DNLZ: variants seen among roughly 807,000 people sequenced by gnomAD.
DNLZ encodes DNL-type zinc finger.
Under a neutral mutation model 7.8 loss-of-function variants are expected in DNLZ, and 15 were observed. The ratio of observed to expected loss-of-function variants is 1.91; its 90% CI spans 1.28 to 2.95. DNLZ has a LOEUF of 2.95. Among genes scored for constraint, DNLZ ranks in the 30% most tolerant of loss-of-function variants. The pLI is 0.00. For synonymous variants in DNLZ, 123 were observed against 77.8 expected, an observed-to-expected ratio of 1.58 and a Z score of -3.05; for missense variants, 255 against 167.3, an observed-to-expected ratio of 1.52 and a Z score of -2.89.
rs1412730462 is a variant in DNLZ at position 136,361,802 on chromosome 9, G to A, written c.*210C>T. ...AGAAGGAACTGTGGTGAGGCGAGAG[G>A]TCCTGCGGCTCCTATGTCCCACCCA... is the stretch of plus-strand genomic sequence containing the variant. On this transcript the variant is annotated 3_prime_UTR_variant, in exon 3 of 3. Transcript: ENST00000371738. 4.7e-5 allele frequency: 19 copies of A among 402,826 alleles called. No homozygotes were observed. Among genetic ancestry groups the A allele is most frequent in the Non-Finnish European group, 8.7e-6 (2 of 231,118 alleles). 25.0% of individuals were successfully genotyped at this position (402,826 alleles called of 1,614,324 possible).
In DNLZ at chr9:136,362,979, C is replaced by CA; in HGVS notation, c.368+9dup. ...GGCCTTCTGGCCCAGCCCTGGGGTA[C>CA]AGGCCTCACCTCTTCCCATTCAGGT... On this transcript the variant is annotated intron_variant, in intron 2 of 2. Transcript: ENST00000371738. 1 of 1,613,294 alleles carries CA rather than the reference C, an allele frequency of 6.2e-7. No individual in the cohort carries two copies. Among genetic ancestry groups the CA allele is most frequent in the East Asian group, 2.2e-5 (1 of 44,896 alleles).
chr9:136,359,590 C>T lies in DNLZ; in HGVS notation c.*2422G>A, dbSNP rs760836642. ...TTCTGTTTTTCCTGAAAAATAAAGTCGGCCAAGTGAGTGTGGTCCGTATGG... is the reference window on the plus strand; with the variant it reads ...TTCTGTTTTTCCTGAAAAATAAAGTTGGCCAAGTGAGTGTGGTCCGTATGG... On this transcript the variant is annotated 3_prime_UTR_variant, in exon 3 of 3. Transcript: ENST00000371738. The T allele has an allele frequency of 6.6e-5, 10 of 152,382 alleles. No individual in the cohort carries two copies. The highest frequency in any genetic ancestry group is 1.0e-4 in the Non-Finnish European group (7 of 68,070). The allele number at this position is 152,382 out of a possible 1,614,324, so 9.4% of individuals were successfully genotyped here.
chr9:136,363,483 C>G lies in DNLZ; in HGVS notation c.228+4G>C. Reference sequence around the variant, plus strand: ...TCCCCGGTTCCGTCCCGCCGCGCGCCTACCTTGCAGGTGTAGACGAGCTGG... The same window carrying G: ...TCCCCGGTTCCGTCCCGCCGCGCGCGTACCTTGCAGGTGTAGACGAGCTGG... On this transcript the variant is annotated splice_donor_region_variant and intron_variant, in intron 1 of 2. Coordinates refer to ENST00000371738, the MANE Select transcript of DNLZ (RefSeq NM_001080849.3). The G allele has an allele frequency of 1.3e-6, 1 of 761,880 alleles. No individual in the cohort carries two copies. The highest frequency in any genetic ancestry group is 2.4e-6 in the Non-Finnish European group (1 of 416,760). 47.2% of individuals were successfully genotyped at this position (761,880 alleles called of 1,614,324 possible). A position where few individuals can be genotyped will look rare whatever the true frequency, so the allele number is the denominator to read the frequency against.
In DNLZ at chr9:136,359,719, T is replaced by C. The variant is rs902347265; in HGVS notation, c.*2293A>G. The stretch of plus-strand genomic sequence containing the variant: ...CTCTGAGACCTCAGAGAGATGGAGT[T>C]CCCACTGCATTTAACCACGGGGGAG... On this transcript the variant is annotated 3_prime_UTR_variant, in exon 3 of 3. Coordinates refer to ENST00000371738, the MANE Select transcript of DNLZ (RefSeq NM_001080849.3). The C allele has an allele frequency of 1.3e-5, 2 of 152,360 alleles. No individual in the cohort carries two copies. The highest frequency in any genetic ancestry group is 4.8e-5 in the African/African-American group (2 of 41,424). 9.4% of individuals were successfully genotyped at this position (152,360 alleles called of 1,614,324 possible). A position where few individuals can be genotyped will look rare whatever the true frequency, so the allele number is the denominator to read the frequency against.
chr9:136,363,200 G>A (rs558396001), intron 1 of DNLZ, 72 bp from the exon 2 acceptor site: 36 of 1,576,332 alleles, frequency 2.3e-5, no homozygotes, highest in Middle Eastern at 2.1e-4. Flanking sequence ...CGCCCCTCTA[G>A]GGGTAGCTCC....
chr9:136,361,697 AG>A lies in DNLZ; in HGVS notation c.*314del, dbSNP rs1832983200. ...TGCTCAAAGTCACGCAGCGACAGCC[AG>A]GAAGGGCTCTGACGCCACATCCAGC... On this transcript the variant is annotated 3_prime_UTR_variant, in exon 3 of 3. Coordinates refer to ENST00000371738, the MANE Select transcript of DNLZ (RefSeq NM_001080849.3). 3.5e-6 allele frequency: 1 copy of A among 288,730 alleles called. No individual in the cohort carries two copies. The highest frequency in any genetic ancestry group is 6.4e-6 in the Non-Finnish European group (1 of 156,568). The allele number at this position is 288,730 out of a possible 1,614,324, so 17.9% of individuals were successfully genotyped here. A position where few individuals can be genotyped will look rare whatever the true frequency, so the allele number is the denominator to read the frequency against.
At position 136,363,477 on chromosome 9, in the gene DNLZ, G is replaced by A. The variant is rs886479736; in HGVS notation, c.228+10C>T. On this transcript the variant is annotated intron_variant, in intron 1 of 2. Transcript: ENST00000371738. ...GGTCTGTCCCCGGTTCCGTCCCGCCGCGCGCCTACCTTGCAGGTGTAGACG... is the reference window on the plus strand; with the variant it reads ...GGTCTGTCCCCGGTTCCGTCCCGCCACGCGCCTACCTTGCAGGTGTAGACG... The A allele has an allele frequency of 2.6e-6, 2 of 761,952 alleles. No homozygotes were observed. Among genetic ancestry groups the A allele is most frequent in the South Asian group, 1.3e-5 (1 of 74,416 alleles). The allele number at this position is 761,952 out of a possible 1,614,324, so 47.2% of individuals were successfully genotyped here. A position where few individuals can be genotyped will look rare whatever the true frequency, so the allele number is the denominator to read the frequency against.
At chr9:136,363,149 G>A (rs1262735681) in intron 1 of DNLZ, 21 bp from the exon 2 acceptor site, 3 of 1,611,550 alleles carry the variant, frequency 1.9e-6, no homozygotes, top group East Asian at 2.2e-5. Context: ...CAGGGTAGCT[G>A]GTGAGGCTGT....
chr9:136,359,612 A>G lies in DNLZ; in HGVS notation c.*2400T>C, dbSNP rs754037118. On this transcript the variant is annotated 3_prime_UTR_variant, in exon 3 of 3. Coordinates refer to ENST00000371738, the MANE Select transcript of DNLZ (RefSeq NM_001080849.3). ...AGTCGGCCAAGTGAGTGTGGTCCGT[A>G]TGGGCTTAGTCCCGGGTGGGGGCCT... 6.6e-6 allele frequency: 1 copy of G among 152,354 alleles called. No individual in the cohort carries two copies. The highest frequency in any genetic ancestry group is 2.4e-5 in the African/African-American group (1 of 41,430). The allele number at this position is 152,354 out of a possible 1,614,324, so 9.4% of individuals were successfully genotyped here.
chr9:136,363,357 A>G (rs1179880770), intron 1 of DNLZ, 130 bp downstream of exon 1: 9 of 719,000 alleles, frequency 1.3e-5, no homozygotes, highest in Non-Finnish European at 2.3e-5. Flanking sequence ...AGAAGCCCCA[A>G]GGGGTGGCTC....
intron 2 of DNLZ, 88 bp downstream of exon 2, chr9:136,362,901 A>G: frequency 7.8e-7 from 1 of 1,278,566 alleles, no homozygotes; most frequent in African/African-American, 1.5e-5. Flanking sequence ...TGAGATCTAT[A>G]AACCTCAACA....
In DNLZ at chr9:136,361,666, G is replaced by A. The variant is rs1832982704; in HGVS notation, c.*346C>T. On this transcript the variant is annotated 3_prime_UTR_variant, in exon 3 of 3. Coordinates refer to ENST00000371738, the MANE Select transcript of DNLZ (RefSeq NM_001080849.3). ...AGGAAGGCTGAGGCTCACAGGGGTG[G>A]TGACCTGCTCAAAGTCACGCAGCGA... The A allele has an allele frequency of 4.3e-6, 1 of 230,720 alleles. No individual in the cohort carries two copies. The highest frequency in any genetic ancestry group is 2.2e-5 in the African/African-American group (1 of 44,674). 14.3% of individuals were successfully genotyped at this position (230,720 alleles called of 1,614,324 possible).
In DNLZ at chr9:136,363,724, C is replaced by A. The variant is rs560263821; in HGVS notation, c.-10G>T. On this transcript the variant is annotated 5_prime_UTR_variant, in exon 1 of 3. Transcript: ENST00000371738. ...GCGCAGTCCGCAGCATCCCGCTCGCCGGCTCCGTCCGCCCTGCCCCGGCCC... is the reference window on the plus strand; with the variant it reads ...GCGCAGTCCGCAGCATCCCGCTCGCAGGCTCCGTCCGCCCTGCCCCGGCCC... 1.2e-5 allele frequency: 5 copies of A among 412,212 alleles called. No homozygotes were observed. Among genetic ancestry groups the A allele is most frequent in the African/African-American group, 2.5e-5 (1 of 39,916 alleles). 25.5% of individuals were successfully genotyped at this position (412,212 alleles called of 1,614,324 possible).
In DNLZ at chr9:136,363,013, C is replaced by T; in HGVS notation, c.344G>A (p.Trp115Ter). 6.2e-7 allele frequency: 1 copy of T among 1,613,814 alleles called. No individual in the cohort carries two copies. Residue 115 changes from tryptophan (W) to a stop codon, truncating the protein, a stop_gained, in exon 2 of 3, where the codon TGG (tryptophan) becomes TAG (stop). Coordinates refer to ENST00000371738, the MANE Select transcript of DNLZ (RefSeq NM_001080849.3). LOFTEE classifies it low-confidence loss of function (END_TRUNC). ...CCTCTTCCCATTCAGGTCCGAGAACCAGCCCAGGTTGTCAGCGATGATATG... is the reference window on the plus strand; with the variant it reads ...CCTCTTCCCATTCAGGTCCGAGAACTAGCCCAGGTTGTCAGCGATGATATG... Reference protein sequence around the residue: ...NHHIIADNLGWFSDLNGKRNI... With the variant: ...NHHIIADNLG
chr9:136,361,809 G>A lies in DNLZ; in HGVS notation c.*203C>T, dbSNP rs148566530. 18 of 408,460 alleles carry A rather than the reference G, an allele frequency of 4.4e-5. No individual in the cohort carries two copies. The highest frequency in any genetic ancestry group is 2.0e-4 in the African/African-American group (10 of 48,950). 25.3% of individuals were successfully genotyped at this position (408,460 alleles called of 1,614,324 possible). On this transcript the variant is annotated 3_prime_UTR_variant, in exon 3 of 3. Transcript: ENST00000371738. ...ACTGTGGTGAGGCGAGAGGTCCTGC[G>A]GCTCCTATGTCCCACCCAGCAGCAC... is the stretch of plus-strand genomic sequence containing the variant.
intron 2 of DNLZ, among the ~76,000 whole-genome samples, 182 bp downstream of exon 2, chr9:136,362,807 T>TA (rs1564364257): frequency 6.6e-6 from 1 of 152,220 alleles, no homozygotes; most frequent in Admixed American, 6.5e-5. Flanking sequence ...GGGGCATACT[T>TA]AAACTCAAAA....
In DNLZ at chr9:136,361,905, G is replaced by A. The variant is rs1832986246; in HGVS notation, c.*107C>T. The A allele has an allele frequency of 1.2e-6, 1 of 860,458 alleles. No homozygotes were observed. Among genetic ancestry groups the A allele is most frequent in the Non-Finnish European group, 1.6e-6 (1 of 644,932 alleles). The allele number at this position is 860,458 out of a possible 1,614,324, so 53.3% of individuals were successfully genotyped here. The stretch of plus-strand genomic sequence containing the variant: ...CGAGGGCCACAGGCCCCAGCATCTG[G>A]AAGTAATGTCTGTTTATTGATAGAA... On this transcript the variant is annotated 3_prime_UTR_variant, in exon 3 of 3. Coordinates refer to ENST00000371738, the MANE Select transcript of DNLZ (RefSeq NM_001080849.3).
chr9:136,363,412 C>A, intron 1 of DNLZ, 75 bp downstream of exon 1: 1 of 757,136 alleles, frequency 1.3e-6, no homozygotes, highest in African/African-American at 1.7e-5. Context: ...GGATCCCCGG[C>A]GGGCCGCTTC....
In DNLZ at chr9:136,361,298, T is replaced by A. The variant is rs73670234; in HGVS notation, c.*714A>T. 1 of 152,250 alleles carries A rather than the reference T, an allele frequency of 6.6e-6. No individual in the cohort carries two copies. Among genetic ancestry groups the A allele is most frequent in the Non-Finnish European group, 1.5e-5 (1 of 68,064 alleles). The allele number at this position is 152,250 out of a possible 1,614,324, so 9.4% of individuals were successfully genotyped here. ...AAGGTTACGCTGCCCAGAACGCTTC[T>A]GCAAATAAACAGGCTGCTGTGTTTG... On this transcript the variant is annotated 3_prime_UTR_variant, in exon 3 of 3. Transcript: ENST00000371738.
Sources: allele counts gnomAD v4.1 joint callset (sites outside exome capture counted in the v4.1 genomes callset), GRCh38; gene constraint gnomAD v4.1.1; transcripts MANE v1.5; gene names NCBI Gene and HGNC (gene_info 2026-07-23, HGNC 2026-07-21).